Variants in TSPAN3 observed in about 807,000 individuals in gnomAD.
The protein encoded by TSPAN3 is tetraspanin 3.
Under a neutral mutation model 31.1 loss-of-function variants are expected in TSPAN3, and 9 were observed. The observed-to-expected ratio is 0.29, with a 90% CI of 0.17 to 0.50. The LOEUF is 0.50. TSPAN3 is among the 20% of genes least tolerant of loss of function. The pLI, the probability that TSPAN3 is intolerant of heterozygous loss-of-function variation, is 0.98. For missense variants in TSPAN3, 252 were observed against 313.5 expected (o/e 0.80, Z 1.48); for synonymous variants, 129 against 114.3 (o/e 1.13, Z -0.82).
chr15:77,062,264 C>T (rs1043242004), intron 1 of TSPAN3, among the ~76,000 whole-genome samples: 10 of 152,200 alleles, frequency 6.6e-5, no homozygotes, highest in Non-Finnish European at 8.8e-5. Flanking sequence ...CATCTTAAAT[C>T]GTTTAGCATT....
intron 1 of TSPAN3, among the ~76,000 whole-genome samples, chr15:77,057,916 GC>G (rs1162659012): frequency 6.6e-6 from 1 of 152,018 alleles, no homozygotes; most frequent in East Asian, 1.9e-4. Flanking sequence ...CTGCCTTCCT[GC>G]CCAGCCCATC....
rs1194817875 is a variant in TSPAN3 at position 77,052,870 on chromosome 15, T to G, written c.492A>C (p.Glu164Asp). 7 of 1,614,136 alleles carry G rather than the reference T, an allele frequency of 4.3e-6. No individual in the cohort carries two copies. The highest frequency in any genetic ancestry group is 5.9e-6 in the Non-Finnish European group (7 of 1,180,018). ...TAAGAGGGACACTCTGGTTTTTGGT[T>G]TCTTTGAACCAATCTGTATTTTCCC... ...SDWENTDWFK[E>D]TKNQSVPLSC... is the part of the protein sequence containing the mutation. Residue 164 changes from glutamate to aspartate, a missense_variant, in exon 5 of 7, where the codon GAA becomes GAC. Physicochemically the swap from Glu to Asp is conservative, Grantham distance 45 (BLOSUM62 2). Coordinates refer to ENST00000267970, the MANE Select transcript of TSPAN3 (RefSeq NM_005724.6).
chr15:77,044,947 A>C lies in TSPAN3; in HGVS notation c.*1888T>G, dbSNP rs1489543923. On this transcript the variant is annotated 3_prime_UTR_variant, in exon 7 of 7. Coordinates refer to ENST00000267970, the MANE Select transcript of TSPAN3 (RefSeq NM_005724.6). Reference sequence around the variant, plus strand: ...CAAGAGGTGGGATGGGTCAGTAGTCACATGATAAATCCCCCGGGGCCTCTG... The same window carrying C: ...CAAGAGGTGGGATGGGTCAGTAGTCCCATGATAAATCCCCCGGGGCCTCTG... The C allele has an allele frequency of 6.6e-6, 1 of 152,148 alleles. No homozygotes were observed. The highest frequency in any genetic ancestry group is 6.5e-5 in the Admixed American group (1 of 15,282). The allele number at this position is 152,148 out of a possible 1,614,324, so 9.4% of individuals were successfully genotyped here.
chr15:77,047,841 G>GAC (rs2076704749), intron 6 of TSPAN3, among the ~76,000 whole-genome samples: 2 of 152,152 alleles, frequency 1.3e-5, no homozygotes, highest in South Asian at 4.1e-4. Flanking sequence ...GATTTTAAAA[G>GAC]ACAGGGTCCT....
rs77444971 is a variant in TSPAN3 at position 77,048,933 on chromosome 15, A to C, written c.670-2006T>G. Among the ~76,000 whole-genome samples, 673 of 152,134 alleles carry C rather than the reference A, an allele frequency of 4.4e-3. 5 individuals carry two copies. The highest frequency in any genetic ancestry group is 0.02 in the Middle Eastern group (6 of 294). ...ATAAGAACTTTTGCACATTAGAAAC[A>C]CTCTTTTCTGAGAAAAAATTGGAAA... On this transcript the variant is annotated intron_variant, in intron 6 of 6. Coordinates refer to ENST00000267970, the MANE Select transcript of TSPAN3 (RefSeq NM_005724.6).
intron 1 of TSPAN3, among the ~76,000 whole-genome samples, chr15:77,070,475 A>G (rs2076860981): frequency 6.6e-6 from 1 of 151,934 alleles, no homozygotes. Flanking sequence ...CTCGTCTGCG[A>G]GGCCCCGACA....
chr15:77,045,658 C>G lies in TSPAN3; in HGVS notation c.*1177G>C, dbSNP rs2152694629. On this transcript the variant is annotated 3_prime_UTR_variant, in exon 7 of 7. Coordinates refer to ENST00000267970, the MANE Select transcript of TSPAN3 (RefSeq NM_005724.6). ...TCCAGCCTCCAAGCTTGGGCATCTCCTCCAGGAAGTCACCCCTGACCTCTC... is the reference window on the plus strand; with the variant it reads ...TCCAGCCTCCAAGCTTGGGCATCTCGTCCAGGAAGTCACCCCTGACCTCTC... The G allele has an allele frequency of 6.6e-6, 1 of 152,570 alleles. No homozygotes were observed. Among genetic ancestry groups the G allele is most frequent in the Non-Finnish European group, 1.5e-5 (1 of 68,192 alleles). 9.5% of individuals were successfully genotyped at this position (152,570 alleles called of 1,614,324 possible).
At chr15:77,053,405 G>A (rs1596160755) in intron 4 of TSPAN3, among the ~76,000 whole-genome samples, 1 of 128,828 alleles carries the variant, frequency 7.8e-6, no homozygotes, top group Non-Finnish European at 1.6e-5. Context: ...CCAAGATCGC[G>A]CCACTGCACT....
At position 77,054,522 on chromosome 15, in the gene TSPAN3, T is replaced by C. The variant is rs529794502; in HGVS notation, c.331-243A>G. 2.4e-3 allele frequency: 632 copies of C among 266,696 alleles called. 2 individuals carry two copies. Among genetic ancestry groups the C allele is most frequent in the Non-Finnish European group, 3.4e-3 (465 of 138,606 alleles). The allele number at this position is 266,696 out of a possible 1,614,324, so 16.5% of individuals were successfully genotyped here. A position where few individuals can be genotyped will look rare whatever the true frequency, so the allele number is the denominator to read the frequency against. On this transcript the variant is annotated intron_variant, in intron 3 of 6. Coordinates refer to ENST00000267970, the MANE Select transcript of TSPAN3 (RefSeq NM_005724.6). ...ACATTCAAGCATTCAAAGAGAAGATTGTGTGCAAAATGGCAGGCTAACAAT... is the reference window on the plus strand; with the variant it reads ...ACATTCAAGCATTCAAAGAGAAGATCGTGTGCAAAATGGCAGGCTAACAAT...
intron 1 of TSPAN3, among the ~76,000 whole-genome samples, chr15:77,061,867 C>T (rs926745530): frequency 9.9e-5 from 15 of 152,276 alleles, no homozygotes; most frequent in African/African-American, 3.6e-4. Flanking sequence ...ACTTTATTCA[C>T]CTAAAAGCAC....
At chr15:77,051,067 A>T (rs189563913) in intron 6 of TSPAN3, among the ~76,000 whole-genome samples, 166 of 147,114 alleles carry the variant, frequency 1.1e-3, no homozygotes, top group African/African-American at 3.0e-3. Flanking sequence ...TTTCTTTTTT[A>T]AAAAAAATTT....
intron 6 of TSPAN3, 69 bp from the exon 7 acceptor site, chr15:77,046,996 G>T: frequency 1.6e-6 from 2 of 1,270,554 alleles, no homozygotes; most frequent in African/African-American, 1.5e-5. Context: ...GTATTTCTTT[G>T]TTGGTAAAAG....
In TSPAN3 at chr15:77,056,205, A is replaced by AT. The variant is rs1568542178; in HGVS notation, c.113dup (p.Tyr38Ter). ...CYVGAYVFIT[Y>*]DDYDHFFEDV... ...CTTCAAAGAAGTGGTCATAGTCATC[A>AT]TAAGTGATGAAGACATAGGCTCCCA... Residue 38 changes from tyrosine to a stop codon, truncating the protein, a stop_gained and frameshift_variant, in exon 2 of 7, where the codon TAT (tyrosine) becomes TAAT (stop). Transcript: ENST00000267970. LOFTEE classifies it high-confidence loss of function. 1 of 1,613,554 alleles carries AT rather than the reference A, an allele frequency of 6.2e-7. No individual in the cohort carries two copies.
At position 77,041,833 on chromosome 15, in the gene TSPAN3, C is replaced by CTTCT. The variant is rs2076661623; in HGVS notation, c.*4998_*5001dup. 3 of 152,174 alleles carry CTTCT rather than the reference C, an allele frequency of 2.0e-5. No homozygotes were observed. The South Asian group carries it at 6.2e-4, about 31-fold the overall frequency. 9.4% of individuals were successfully genotyped at this position (152,174 alleles called of 1,614,324 possible). A position where few individuals can be genotyped will look rare whatever the true frequency, so the allele number is the denominator to read the frequency against. On this transcript the variant is annotated 3_prime_UTR_variant, in exon 7 of 7. Coordinates refer to ENST00000267970, the MANE Select transcript of TSPAN3 (RefSeq NM_005724.6). ...AGCATGGTGAATGTACTCAAGGCAA[C>CTTCT]TTCTTTACTTTAAAATCGTTAATTT... is the stretch of plus-strand genomic sequence containing the variant.
chr15:77,051,486 C>A (rs1432144537), intron 6 of TSPAN3, among the ~76,000 whole-genome samples: 3 of 151,042 alleles, frequency 2.0e-5, no homozygotes, highest in African/African-American at 7.3e-5. Flanking sequence ...TGAGATCACA[C>A]CATTGCACTC....
At position 77,046,959 on chromosome 15, in the gene TSPAN3, G is replaced by A. The variant is rs539622072; in HGVS notation, c.670-32C>T. The A allele has an allele frequency of 2.0e-5, 31 of 1,525,680 alleles. No homozygotes were observed. The African/African-American group carries it at 4.0e-4, about 20-fold the overall frequency. The allele number at this position is 1,525,680 out of a possible 1,614,324, so 94.5% of individuals were successfully genotyped here. A position where few individuals can be genotyped will look rare whatever the true frequency, so the allele number is the denominator to read the frequency against. On this transcript the variant is annotated intron_variant, in intron 6 of 6. Coordinates refer to ENST00000267970, the MANE Select transcript of TSPAN3 (RefSeq NM_005724.6). ...AAAGAAAACAACAATGGGGAAAAAAGGCTGAAAACCCTCTCATGGCAGGTG... is the reference window on the plus strand; with the variant it reads ...AAAGAAAACAACAATGGGGAAAAAAAGCTGAAAACCCTCTCATGGCAGGTG...
chr15:77,053,586 A>C (rs1028224415), intron 4 of TSPAN3, among the ~76,000 whole-genome samples: 6 of 150,272 alleles, frequency 4.0e-5, no homozygotes, highest in African/African-American at 1.5e-4. Flanking sequence ...CATGTTAAAT[A>C]TTATTTCCAA....
intron 1 of TSPAN3, among the ~76,000 whole-genome samples, chr15:77,058,330 A>G (rs1423322416): frequency 6.6e-6 from 1 of 152,208 alleles, no homozygotes; most frequent in Non-Finnish European, 1.5e-5. Context: ...TGAACTATGA[A>G]CAATATAGAA....
chr15:77,065,875 C>G (rs1477354854), intron 1 of TSPAN3, among the ~76,000 whole-genome samples: 1 of 152,076 alleles, frequency 6.6e-6, no homozygotes, highest in Admixed American at 6.5e-5. Context: ...GACTTTTTTG[C>G]GGTACTTCCC....
Sources: gnomAD v4.1 joint callset for allele counts (sites outside exome capture counted in the v4.1 genomes callset) on GRCh38, gnomAD v4.1.1 for gene constraint, MANE v1.5 for transcripts, NCBI Gene and HGNC (gene_info 2026-07-23, HGNC 2026-07-21) for gene names.